Variants in DSP observed in about 807,000 individuals in gnomAD.
The protein encoded by DSP is 250/210 kDa paraneoplastic pemphigus antigen.
Under a neutral mutation model 290.6 loss-of-function variants are expected in DSP, and 114 were observed. The ratio of observed to expected loss-of-function variants is 0.39; its 90% CI spans 0.34 to 0.46. The LOEUF (loss-of-function observed/expected upper bound fraction) is 0.46. Among genes scored for constraint, DSP ranks in the 20% least tolerant of loss-of-function variants. The probability of loss-of-function intolerance (pLI) is 0.99; values close to 1 mark genes in which losing one functional copy is unlikely to be tolerated. For synonymous variants in DSP, 1,311 were observed against 1,316.4 expected (o/e 1.00, Z 0.09); for missense variants, 3,230 against 3,495.8 (o/e 0.92, Z 1.92).
Position 7,580,416 on chromosome 6 carries a change from T to G in DSP, c.4226T>G (p.Ile1409Arg). The change falls in exon 23 of 24, where the codon ATA becomes AGA. Residue 1409 changes from isoleucine (I) to arginine (R), a missense_variant. Around this residue, in one of 5 missense-constraint regions of DSP, gnomAD observed 1,714 missense variants for 1,844.5 expected, o/e 0.93. Transcript: ENST00000379802. The surrounding 1 kb of genome is among the most constrained non-coding windows in gnomAD (Gnocchi z 4.2). ...TRENRSLSEE[I>R]KRLKNTLTQT... is the part of the protein sequence containing the mutation. ...GAAAACAGGAGCTTATCTGAAGAAA[T>G]AAAGAGGCTGAAGAACACTCTAACC... The G allele has an allele frequency of 6.2e-7, 1 of 1,612,986 alleles. No homozygotes were observed. The highest frequency in any genetic ancestry group is 8.5e-7 in the Non-Finnish European group (1 of 1,179,788).
chr6:7,572,269 G>A (rs865821891), intron 15 of DSP, among the ~76,000 whole-genome samples: 1 of 152,306 alleles, frequency 6.6e-6, no homozygotes. Context: ...GTTCGTTTGT[G>A]TGTTGTTGAA....
At chr6:7,557,753 A>G (rs1415715966) in intron 2 of DSP, among the ~76,000 whole-genome samples, 1 of 121,950 alleles carries the variant, frequency 8.2e-6, no homozygotes, top group Admixed American at 7.3e-5. Context: ...AACTCTGTGC[A>G]TAAGAGGCCC....
rs371743739 is a variant in DSP, at chr6:7,579,661, A to G, written c.3471A>G (p.Lys1157=). 1.2e-6 allele frequency: 2 copies of G among 1,613,898 alleles called. No individual in the cohort carries two copies. The highest frequency in any genetic ancestry group is 2.7e-5 in the African/African-American group (2 of 74,906). The change falls in exon 23 of 24, where the codon AAA becomes AAG. Residue 1157 remains lysine, a synonymous_variant. Transcript: ENST00000379802. The surrounding 1 kb of genome is among the most constrained non-coding windows in gnomAD (Gnocchi z 4.1). ...AAAAGGAGAACCTTGGTTGGCAGAA[A>G]TTAGAGTCTGAGAAAGCCATCAAGG... ...QCEKENLGWQ[K]LESEKAIKEK...
At chr6:7,574,595 G>A (rs1759173172) in intron 16 of DSP, 62 bp from the exon 17 acceptor site, 3 of 1,607,522 alleles carry the variant, frequency 1.9e-6, no homozygotes, top group Non-Finnish European at 1.7e-6. Flanking sequence ...GCTGTGAGAG[G>A]CAAATCTTCA....
chr6:7,574,908 AG>A, intron 17 of DSP, 113 bp downstream of exon 17: 1 of 1,428,862 alleles, frequency 7.0e-7, no homozygotes. Context: ...ATTGGGTTTC[AG>A]TGGCCACACA....
At position 7,541,879 on chromosome 6, in the gene DSP, C is replaced by T. The variant is rs1396470911; in HGVS notation, c.-37C>T. On this transcript the variant is annotated 5_prime_UTR_variant, in exon 1 of 24. Transcript: ENST00000379802. ...TCCGCGCCGGCCCGCCTCGCTTATG[C>T]CTCGGCGCTGAGCCGCTCTCCCGAT... 5.0e-6 allele frequency: 8 copies of T among 1,589,164 alleles called. No homozygotes were observed. Among genetic ancestry groups the T allele is most frequent in the Non-Finnish European group, 6.8e-6 (8 of 1,169,874 alleles).
At chr6:7,553,383 T>C (rs1758398901) in intron 1 of DSP, among the ~76,000 whole-genome samples, 1 of 152,242 alleles carries the variant, frequency 6.6e-6, no homozygotes, top group African/African-American at 2.4e-5. Context: ...GGGACTGGCA[T>C]TCTTTGTGGG....
In DSP at chr6:7,571,517, C is replaced by T; in HGVS notation, c.1836C>T (p.Phe612=). The change falls in exon 14 of 24, where the codon TTC becomes TTT. Residue 612 remains phenylalanine, a synonymous_variant. Coordinates refer to ENST00000379802, the MANE Select transcript of DSP (RefSeq NM_004415.4). ...ACAAGCGGAAAATACAGTCTCAGTTCACCGATGCCCAGAAGCATTACCAGA... is the reference window on the plus strand; with the variant it reads ...ACAAGCGGAAAATACAGTCTCAGTTTACCGATGCCCAGAAGCATTACCAGA... ...DDDKRKIQSQ[F]TDAQKHYQTL... 6.2e-7 allele frequency: 1 copy of T among 1,614,182 alleles called. No individual in the cohort carries two copies. Among genetic ancestry groups the T allele is most frequent in the South Asian group, 1.1e-5 (1 of 91,080 alleles).
rs1759619656 is a variant in DSP at position 7,585,381 on chromosome 6, A to T, written c.8119A>T (p.Met2707Leu). 6.2e-7 allele frequency: 1 copy of T among 1,613,986 alleles called. No individual in the cohort carries two copies. Among genetic ancestry groups the T allele is most frequent in the Non-Finnish European group, 8.5e-7 (1 of 1,179,984 alleles). The part of the protein sequence containing the change: ...GFEGVKGKKK[M>L]SAAEAVKEKW... ...CGAGGGTGTGAAGGGAAAGAAGAAG[A>T]TGTCAGCAGCAGAGGCAGTGAAAGA... Residue 2707 changes from methionine to leucine, a missense_variant, in exon 24 of 24, where the codon ATG (methionine) becomes TTG (leucine). Physicochemically the swap from Met to Leu is conservative, Grantham distance 15. This residue lies in a region of DSP where 582 missense variants were observed against 555.4 expected (regional missense o/e 1.05). Coordinates refer to ENST00000379802, the MANE Select transcript of DSP (RefSeq NM_004415.4).
At chr6:7,545,747 G>T (rs948688848) in intron 1 of DSP, among the ~76,000 whole-genome samples, 4 of 152,214 alleles carry the variant, frequency 2.6e-5, no homozygotes, top group Non-Finnish European at 2.9e-5. Context: ...TGTCGTGGGG[G>T]CACTGGGAAG....
rs1284150415 is a variant in DSP at position 7,582,844 on chromosome 6, AGAATGACCT to A, written c.5587_5595del (p.Asp1863_Asn1865del). ...CTGGAGTGTGAGAAACAGCAAATTC[AGAATGACCT>A]GAATCAGTGGAAGACTCAATATTCC... On this transcript the variant is annotated inframe_deletion, in exon 24 of 24. Transcript: ENST00000379802. This position sits in a 1 kb window ranked among gnomAD's most constrained non-coding sequence, Gnocchi z 4.2. 6.2e-7 allele frequency: 1 copy of A among 1,614,072 alleles called. No homozygotes were observed. The highest frequency in any genetic ancestry group is 8.5e-7 in the Non-Finnish European group (1 of 1,180,044).
rs1758851786 is a variant in DSP, at chr6:7,565,996, AAG to A, written c.940-378_940-377del. ...ACTTAAAATAAAAGTTAAAAAGAAAAAGAGGGGCAATACCTTGTTTAATATCC... is the reference window on the plus strand; with the variant it reads ...ACTTAAAATAAAAGTTAAAAAGAAAAAGGGGCAATACCTTGTTTAATATCC... On this transcript the variant is annotated intron_variant, in intron 7 of 23. Transcript: ENST00000379802. The surrounding 1 kb of genome is among the most constrained non-coding windows in gnomAD (Gnocchi z 4.2). Among the ~76,000 whole-genome samples the A allele has an allele frequency of 1.3e-5, 2 of 152,182 alleles. No homozygotes were observed. Among genetic ancestry groups the A allele is most frequent in the Admixed American group, 1.3e-4 (2 of 15,280 alleles).
chr6:7,558,207 A>G lies in DSP; in HGVS notation c.365A>G (p.Asp122Gly), dbSNP rs1206577405. 1.9e-6 allele frequency: 3 copies of G among 1,614,248 alleles called. No individual in the cohort carries two copies. The highest frequency in any genetic ancestry group is 1.1e-5 in the South Asian group (1 of 91,086). ...AQANDQMEILDSLIREMRQMG... is the reference protein window; with the variant it reads ...AQANDQMEILGSLIREMRQMG... The stretch of plus-strand genomic sequence containing the variant: ...GCCAATGACCAAATGGAAATCCTCG[A>G]CAGCTTGATCAGAGAGATGCGGCAG... Residue 122 changes from aspartate (D) to glycine (G), a missense_variant, in exon 3 of 24, where the codon GAC (aspartate) becomes GGC (glycine). Asp to Gly is a moderately conservative substitution (Grantham distance 94). This residue lies in a region of DSP where 646 missense variants were observed against 684.3 expected (regional missense o/e 0.94). Transcript: ENST00000379802.
At chr6:7,560,057 A>G (rs1444069084) in intron 4 of DSP, among the ~76,000 whole-genome samples, 1 of 152,220 alleles carries the variant, frequency 6.6e-6, no homozygotes, top group Non-Finnish European at 1.5e-5. Flanking sequence ...GTGTTGTTTC[A>G]TGTAGTCATT....
rs757245067 is a variant in DSP, at chr6:7,572,080, C to T, written c.2130+12C>T. The T allele has an allele frequency of 2.5e-6, 4 of 1,606,970 alleles. No homozygotes were observed. The highest frequency in any genetic ancestry group is 1.7e-5 in the Admixed American group (1 of 59,926). ...TTAACGAGCTTAAGGTAGGTATCTG[C>T]TAGTATTTTGCCTGGTTACCCTGTA... is the stretch of plus-strand genomic sequence containing the variant. On this transcript the variant is annotated intron_variant, in intron 15 of 23. Coordinates refer to ENST00000379802, the MANE Select transcript of DSP (RefSeq NM_004415.4).
At chr6:7,558,080 G>A in intron 2 of DSP, 36 bp from the exon 3 acceptor site, 3 of 1,613,762 alleles carry the variant, frequency 1.9e-6, no homozygotes, top group Non-Finnish European at 2.5e-6. Flanking sequence ...CTTCCTGGTA[G>A]TATGTGTTTT....
intron 12 of DSP, 132 bp downstream of exon 12, chr6:7,569,472 C>A (rs1243835945): frequency 1.6e-5 from 22 of 1,349,196 alleles, no homozygotes; most frequent in Admixed American, 7.4e-5. Context: ...AAAAAAGGAA[C>A]CTTGTGAAGG....
intron 12 of DSP, 28 bp downstream of exon 12, chr6:7,569,368 G>A: frequency 1.9e-6 from 3 of 1,614,120 alleles, no homozygotes; most frequent in Non-Finnish European, 1.7e-6. Context: ...CCAAAGCCAC[G>A]CATGCACGCA....
rs1252437629 is a variant in DSP at position 7,582,608 on chromosome 6, T to C, written c.5380-34T>C. ...AGTAATATGATATGATTCAAAACAT[T>C]ATTTTTTCCCATTTCTTTCTTCTTC... On this transcript the variant is annotated intron_variant, in intron 23 of 23. Coordinates refer to ENST00000379802, the MANE Select transcript of DSP (RefSeq NM_004415.4). This position sits in a 1 kb window ranked among gnomAD's most constrained non-coding sequence, Gnocchi z 4.2. 1 of 1,560,654 alleles carries C rather than the reference T, an allele frequency of 6.4e-7. No homozygotes were observed. Among genetic ancestry groups the C allele is most frequent in the Non-Finnish European group, 8.8e-7 (1 of 1,131,822 alleles).
Sources: allele counts gnomAD v4.1 joint callset (sites outside exome capture counted in the v4.1 genomes callset), GRCh38; gene constraint gnomAD v4.1.1; regional missense constraint gnomAD v4.1.1; non-coding constraint Gnocchi (gnomAD v3.1); transcripts MANE v1.5; gene names NCBI Gene and HGNC (gene_info 2026-07-23, HGNC 2026-07-21).